Variants in CHD9 observed in about 807,000 individuals in gnomAD.
CHD9 encodes chromodomain helicase DNA binding protein 9, also known as ATP-dependent chromatin remodeler CHD9.
In CHD9, 77 loss-of-function variants were observed where a neutral mutation model predicts 316.1. That is an observed-to-expected ratio of 0.24 (90% CI 0.20 to 0.29). The LOEUF is 0.29. CHD9 is among the 10% of genes least tolerant of loss of function. CHD9 has a pLI of 1.00. For synonymous variants in CHD9, 1,129 were observed against 1,158.3 expected (o/e 0.97, Z 0.51); for missense variants, 2,763 against 3,438.1 (o/e 0.80, Z 4.91).
chr16:53,162,219 G>A (rs1417238958), intron 2 of CHD9, among the ~76,000 whole-genome samples: 1 of 152,184 alleles, frequency 6.6e-6, no homozygotes, highest in African/African-American at 2.4e-5. Context: ...GACACAGTGG[G>A]AAGAGAGGCC....
At chr16:53,299,987 A>G (rs1490093331) in intron 30 of CHD9, among the ~76,000 whole-genome samples, 1 of 152,246 alleles carries the variant, frequency 6.6e-6, no homozygotes, top group Non-Finnish European at 1.5e-5. Context: ...TAAAATGCAC[A>G]TTAGAAGACA....
At chr16:53,322,111 C>T (rs2057315627) in intron 38 of CHD9, among the ~76,000 whole-genome samples, 2 of 151,058 alleles carry the variant, frequency 1.3e-5, no homozygotes, top group Non-Finnish European at 1.5e-5. Flanking sequence ...GATTCTCATG[C>T]CTCAGCCTTC....
At chr16:53,311,159 G>C (rs899050316) in intron 34 of CHD9, 2 of 147,246 alleles carry the variant, frequency 1.4e-5, no homozygotes, top group Non-Finnish European at 3.0e-5. Flanking sequence ...CTAGGTGACA[G>C]AGCAAGACCT....
intron 37 of CHD9, among the ~76,000 whole-genome samples, chr16:53,320,272 A>G (rs901693536): frequency 1.3e-5 from 2 of 151,852 alleles, no homozygotes; most frequent in Non-Finnish European, 2.9e-5. Flanking sequence ...TGTAATGACA[A>G]CACTTTGGGA....
At chr16:53,140,369 A>C (rs983073489) in intron 1 of CHD9, among the ~76,000 whole-genome samples, 5 of 150,814 alleles carry the variant, frequency 3.3e-5, no homozygotes, top group African/African-American at 1.2e-4. Flanking sequence ...ATGAGCTGAG[A>C]TCACACCACT....
chr16:53,141,056 A>T (rs2040070296), intron 1 of CHD9, among the ~76,000 whole-genome samples: 1 of 152,190 alleles, frequency 6.6e-6, no homozygotes, highest in African/African-American at 2.4e-5. Flanking sequence ...TAAACCAAAG[A>T]TTTCTTTGTT....
chr16:53,097,028 A>G (rs1357647268), intron 1 of CHD9, among the ~76,000 whole-genome samples: 3 of 152,106 alleles, frequency 2.0e-5, no homozygotes, highest in African/African-American at 7.2e-5. Context: ...TTTAAAGACC[A>G]CATCTCTCAA....
chr16:53,277,854 A>G (rs1315272030), intron 24 of CHD9, among the ~76,000 whole-genome samples: 1 of 152,136 alleles, frequency 6.6e-6, no homozygotes, highest in Non-Finnish European at 1.5e-5. Flanking sequence ...ATACCTAGAA[A>G]ACCCTAAAGA....
intron 1 of CHD9, among the ~76,000 whole-genome samples, chr16:53,059,639 C>G (rs2032606272): frequency 6.6e-6 from 1 of 152,206 alleles, no homozygotes; most frequent in South Asian, 2.1e-4. Flanking sequence ...ATCGGCCTCC[C>G]CACTCATGGG....
chr16:53,171,865 C>G (rs1007175285), intron 2 of CHD9, among the ~76,000 whole-genome samples: 430 of 35,022 alleles, frequency 0.012, no homozygotes, highest in African/African-American at 0.054. Context: ...CACACAGACA[C>G]ACACACACAC....
At chr16:53,137,379 G>A (rs1313165400) in intron 1 of CHD9, among the ~76,000 whole-genome samples, 1 of 152,098 alleles carries the variant, frequency 6.6e-6, no homozygotes, top group Non-Finnish European at 1.5e-5. Context: ...ATACTGATAT[G>A]AACATTCCTA....
chr16:53,251,571 G>A (rs1234219107), intron 17 of CHD9, among the ~76,000 whole-genome samples: 2 of 152,074 alleles, frequency 1.3e-5, no homozygotes, highest in East Asian at 3.8e-4. Context: ...GTCAATGAAG[G>A]GCAGAACATT....
intron 2 of CHD9, among the ~76,000 whole-genome samples, chr16:53,183,738 A>T (rs1005158249): frequency 1.3e-5 from 2 of 151,686 alleles, no homozygotes; most frequent in Non-Finnish European, 2.9e-5. Context: ...ACATAGCAAG[A>T]CCCTGTCTGT....
rs575247018 is a variant in CHD9 at position 53,325,113 on chromosome 16, G to A, written c.*218G>A. 1.1e-4 allele frequency: 41 copies of A among 387,542 alleles called. No homozygotes were observed. The highest frequency in any genetic ancestry group is 1.8e-4 in the Non-Finnish European group (40 of 216,632). The allele number at this position is 387,542 out of a possible 1,614,324, so 24.0% of individuals were successfully genotyped here. A position where few individuals can be genotyped will look rare whatever the true frequency, so the allele number is the denominator to read the frequency against. On this transcript the variant is annotated 3_prime_UTR_variant, in exon 39 of 39. Transcript: ENST00000447540. ...TATGTACTATCAAATACATAAAGGT[G>A]TAAAATTACAACAAAAGGCATTATA...
intron 1 of CHD9, among the ~76,000 whole-genome samples, chr16:53,154,228 C>A (rs2041340072): frequency 6.6e-6 from 1 of 152,092 alleles, no homozygotes; most frequent in South Asian, 2.1e-4. Context: ...TTTAAATTTT[C>A]AAATTTTACT....
chr16:53,291,623 G>A (rs1419627528), intron 27 of CHD9, 102 bp from the exon 28 acceptor site: 18 of 708,708 alleles, frequency 2.5e-5, no homozygotes, highest in Non-Finnish European at 4.2e-5. Context: ...TTCCATTGGG[G>A]GAGAAAAGCT....
chr16:53,087,012 C>T (rs1293393328), intron 1 of CHD9, among the ~76,000 whole-genome samples: 2 of 152,172 alleles, frequency 1.3e-5, no homozygotes, highest in African/African-American at 4.8e-5. Context: ...ACCTGGTGCC[C>T]TAAACCTTCT....
intron 7 of CHD9, among the ~76,000 whole-genome samples, chr16:53,228,343 TA>T (rs201114550): frequency 6.1e-5 from 9 of 148,348 alleles, no homozygotes; most frequent in South Asian, 2.2e-4. Context: ...TCCATCTCTT[TA>T]AAAAAAAAAG....
At chr16:53,089,041 G>T (rs2035710924) in intron 1 of CHD9, among the ~76,000 whole-genome samples, 1 of 152,114 alleles carries the variant, frequency 6.6e-6, no homozygotes, top group Non-Finnish European at 1.5e-5. Flanking sequence ...GAACCTGGGA[G>T]GCGGAGGTTG....
Sources: gnomAD v4.1 joint callset for allele counts (sites outside exome capture counted in the v4.1 genomes callset) on GRCh38, gnomAD v4.1.1 for gene constraint, MANE v1.5 for transcripts, NCBI Gene and HGNC (gene_info 2026-07-23, HGNC 2026-07-21) for gene names.